DNAH14: variants seen among roughly 807,000 people sequenced by gnomAD.
The protein encoded by DNAH14 is dynein axonemal heavy chain 14.
In DNAH14, 478 loss-of-function variants were observed where a neutral mutation model predicts 520.9. That is an observed-to-expected ratio of 0.92 (90% CI 0.85 to 0.99). The LOEUF is 0.99. DNAH14 is among the 50% of genes least tolerant of loss of function. DNAH14 has a pLI of 0.00. For synonymous variants in DNAH14, 1,581 were observed against 1,757.2 expected (o/e 0.90, Z 2.51); for missense variants, 4,831 against 5,234.5 (o/e 0.92, Z 2.38).
intron 43 of DNAH14, among the ~76,000 whole-genome samples, chr1:225,243,278 C>A (rs1357653085): frequency 2.6e-5 from 4 of 151,412 alleles, no homozygotes; most frequent in Non-Finnish European, 5.9e-5. Context: ...TCTGAAATAT[C>A]AGTATAAAAC....
At chr1:225,344,966 G>T (rs1035856891) in intron 69 of DNAH14, among the ~76,000 whole-genome samples, 3 of 152,026 alleles carry the variant, frequency 2.0e-5, no homozygotes, top group African/African-American at 7.2e-5. Flanking sequence ...GCCTGCCTGG[G>T]CCTCCCAAAG....
chr1:225,188,630 C>A (rs1189503116), intron 37 of DNAH14, among the ~76,000 whole-genome samples: 1 of 151,882 alleles, frequency 6.6e-6, no homozygotes, highest in South Asian at 2.1e-4. Context: ...TGCAAGTTCT[C>A]CAACTTTGTT....
chr1:224,976,274 G>A (rs10915753), intron 8 of DNAH14, among the ~76,000 whole-genome samples: 7,278 of 151,364 alleles, frequency 0.048, 374 homozygotes, highest in African/African-American at 0.13. Flanking sequence ...CAATTCCTGG[G>A]TATCCTTGTT....
chr1:225,377,571 G>A (rs2095717692), intron 79 of DNAH14, 135 bp downstream of exon 79: 8 of 798,706 alleles, frequency 1.0e-5, no homozygotes, highest in Non-Finnish European at 1.3e-5. Flanking sequence ...ACCACTCTGA[G>A]CAACATGGTG....
chr1:225,050,323 A>G lies in DNAH14; in HGVS notation c.2026A>G (p.Arg676Gly). The G allele has an allele frequency of 6.5e-7, 1 of 1,547,780 alleles. No individual in the cohort carries two copies. The highest frequency in any genetic ancestry group is 8.7e-7 in the Non-Finnish European group (1 of 1,145,772). The change falls in exon 16 of 86, where the codon AGA (arginine) becomes GGA (glycine). Residue 676 changes from arginine (R) to glycine (G), a missense_variant. Transcript: ENST00000682510. ...CATAATACATTATAAAGAGCAGACC[A>G]GATGGCCAGATTGTCACATCCTTTT... ...GSIIHYKEQT[R>G]WPDCHILFET...
At position 225,140,941 on chromosome 1, in the gene DNAH14, C is replaced by T. The variant is rs1267517065; in HGVS notation, c.4428C>T (p.Ile1476=). The change falls in exon 28 of 86, where the codon ATC becomes ATT. Residue 1476 remains isoleucine, a synonymous_variant. Transcript: ENST00000682510. ...RTKAILGALL[I]LYVHCRDIVI... is the part of the protein sequence containing the mutation. ...AAGCTATACTAGGGGCATTGCTTAT[C>T]CTTTATGTTCACTGCAGAGATATAG... The T allele has an allele frequency of 1.3e-6, 2 of 1,551,332 alleles. No individual in the cohort carries two copies. The highest frequency in any genetic ancestry group is 1.2e-5 in the South Asian group (1 of 84,044).
At chr1:225,274,371 A>G (rs1467527311) in intron 52 of DNAH14, among the ~76,000 whole-genome samples, 2 of 150,330 alleles carry the variant, frequency 1.3e-5, no homozygotes, top group African/African-American at 4.9e-5. Context: ...CGCCCGGCTA[A>G]TTTTTTTTGT....
At chr1:224,953,503 C>T (rs2060314341) in intron 2 of DNAH14, among the ~76,000 whole-genome samples, 1 of 152,044 alleles carries the variant, frequency 6.6e-6, no homozygotes, top group South Asian at 2.1e-4. Context: ...ATGTAAAACA[C>T]TCCTTAAAAA....
At chr1:225,248,102 G>A (rs2092387434) in intron 43 of DNAH14, among the ~76,000 whole-genome samples, 1 of 152,146 alleles carries the variant, frequency 6.6e-6, no homozygotes, top group East Asian at 1.9e-4. Context: ...TCAAATGGAT[G>A]AAGGAACCTA....
chr1:225,058,842 T>C (rs2069552261), intron 17 of DNAH14, among the ~76,000 whole-genome samples: 1 of 152,218 alleles, frequency 6.6e-6, no homozygotes, highest in African/African-American at 2.4e-5. Context: ...TGAGCGGTTT[T>C]GAGTGAGTTT....
chr1:225,075,756 G>T (rs948474968), intron 17 of DNAH14, among the ~76,000 whole-genome samples: 1 of 152,166 alleles, frequency 6.6e-6, no homozygotes, highest in Non-Finnish European at 1.5e-5. Context: ...TCAGGGATGG[G>T]TGCTTTATTT....
chr1:225,200,954 C>T (rs1279971626), intron 38 of DNAH14, among the ~76,000 whole-genome samples: 2 of 152,050 alleles, frequency 1.3e-5, no homozygotes, highest in East Asian at 3.9e-4. Flanking sequence ...ATATGTTATC[C>T]AAACTTTTAG....
At chr1:225,058,824 C>A (rs2069549014) in intron 17 of DNAH14, among the ~76,000 whole-genome samples, 2 of 152,110 alleles carry the variant, frequency 1.3e-5, no homozygotes, top group Non-Finnish European at 2.9e-5. Flanking sequence ...GTTCAGTTTC[C>A]ATGTGGTTGA....
At chr1:225,284,457 T>C (rs1406592757) in intron 54 of DNAH14, among the ~76,000 whole-genome samples, 1 of 152,106 alleles carries the variant, frequency 6.6e-6, no homozygotes, top group Non-Finnish European at 1.5e-5. Context: ...TTAGAAAATC[T>C]AATAGAGCAG....
intron 36 of DNAH14, among the ~76,000 whole-genome samples, chr1:225,170,446 CA>C (rs1293198816): frequency 1.3e-5 from 2 of 151,642 alleles, no homozygotes; most frequent in East Asian, 3.9e-4. Flanking sequence ...AAATGGAAAA[CA>C]AAAAAGGCAG....
At chr1:225,272,847 A>T in intron 51 of DNAH14, 108 bp from the exon 52 acceptor site, 2 of 1,064,644 alleles carry the variant, frequency 1.9e-6, no homozygotes, top group Non-Finnish European at 2.6e-6. Context: ...TACCTTGGAT[A>T]ATTGCTTCTA....
chr1:225,346,645 A>T lies in DNAH14; in HGVS notation c.11287A>T (p.Arg3763Ter). The T allele has an allele frequency of 6.5e-7, 1 of 1,542,482 alleles. No individual in the cohort carries two copies. The highest frequency in any genetic ancestry group is 8.8e-7 in the Non-Finnish European group (1 of 1,142,676). The stretch of plus-strand genomic sequence containing the variant: ...TATTAAAAGTGCATTATCCCAGTCT[A>T]GACTTACTAGTAAGTAAAAGTTACT... Reference protein sequence around the residue: ...INIKSALSQSRLTSTFEIGES... With the variant: ...INIKSALSQS The change falls in exon 71 of 86, where the codon AGA (arginine) becomes TGA (stop). Residue 3763 changes from arginine to a stop codon, truncating the protein, a stop_gained. Coordinates refer to ENST00000682510, the MANE Select transcript of DNAH14 (RefSeq NM_001367479.1). LOFTEE classifies it high-confidence loss of function.
chr1:225,142,256 ACT>A (rs1004722213), intron 28 of DNAH14, among the ~76,000 whole-genome samples: 41 of 152,036 alleles, frequency 2.7e-4, no homozygotes, highest in African/African-American at 9.9e-4. Context: ...TTCTAATAAG[ACT>A]CTGTAAGTGT....
At chr1:224,964,826 C>G (rs1341364737) in intron 5 of DNAH14, among the ~76,000 whole-genome samples, 1 of 152,040 alleles carries the variant, frequency 6.6e-6, no homozygotes, top group Non-Finnish European at 1.5e-5. Context: ...AAGTCTATAA[C>G]ACATCAAAAT....
Sources: gnomAD v4.1 joint callset for allele counts (sites outside exome capture counted in the v4.1 genomes callset) on GRCh38, gnomAD v4.1.1 for gene constraint, MANE v1.5 for transcripts, NCBI Gene and HGNC (gene_info 2026-07-23, HGNC 2026-07-21) for gene names.